The following GLRA3 variants were observed in gnomAD, a reference collection of about 807,000 sequenced individuals.
GLRA3 encodes glycine receptor alpha 3, also known as glycine receptor subunit alpha-3.
A neutral mutation model predicts 60.4 loss-of-function variants in GLRA3; 44 were observed. The ratio of observed to expected loss-of-function variants is 0.73; its 90% CI spans 0.57 to 0.94. The LOEUF (loss-of-function observed/expected upper bound fraction) is 0.94. Ranked by LOEUF, GLRA3 falls within the 40% of genes least tolerant of loss-of-function variation. GLRA3 has a pLI of 0.00. For missense variants in GLRA3, 508 were observed against 564.6 expected (o/e 0.90, Z 1.02); for synonymous variants, 223 against 192.9 (o/e 1.16, Z -1.29).
At chr4:174,689,529 T>C (rs1734699872) in intron 5 of GLRA3, among the ~76,000 whole-genome samples, 1 of 151,946 alleles carries the variant, frequency 6.6e-6, no homozygotes, top group South Asian at 2.1e-4. Flanking sequence ...ACCCAAATAA[T>C]GTACATTATA....
intron 3 of GLRA3, among the ~76,000 whole-genome samples, chr4:174,750,218 A>C (rs139548961): frequency 3.3e-5 from 5 of 152,160 alleles, no homozygotes; most frequent in Non-Finnish European, 7.4e-5. Context: ...ATGGATTATG[A>C]AACAAAATTT....
chr4:174,652,911 T>A (rs1056761105), intron 9 of GLRA3, among the ~76,000 whole-genome samples: 3 of 152,060 alleles, frequency 2.0e-5, no homozygotes, highest in African/African-American at 4.8e-5. Context: ...TGCTATTGAG[T>A]GTGAACAAAA....
chr4:174,811,323 G>A (rs1740265115), intron 1 of GLRA3, among the ~76,000 whole-genome samples: 1 of 151,720 alleles, frequency 6.6e-6, no homozygotes, highest in Non-Finnish European at 1.5e-5. Flanking sequence ...AAATTTTCTT[G>A]GAATAGCAGA....
At chr4:174,774,433 T>C (rs1738514591) in intron 2 of GLRA3, among the ~76,000 whole-genome samples, 1 of 149,872 alleles carries the variant, frequency 6.7e-6, no homozygotes, top group African/African-American at 2.5e-5. Flanking sequence ...TATGTGTGGG[T>C]ATATATAGAT....
At chr4:174,782,842 T>G (rs1306300198) in intron 2 of GLRA3, among the ~76,000 whole-genome samples, 2 of 151,996 alleles carry the variant, frequency 1.3e-5, no homozygotes, top group African/African-American at 4.8e-5. Flanking sequence ...TGGAAGAACA[T>G]TCCATGCTCA....
chr4:174,740,562 A>T (rs992244907), intron 3 of GLRA3, among the ~76,000 whole-genome samples: 2 of 152,232 alleles, frequency 1.3e-5, no homozygotes, highest in Non-Finnish European at 2.9e-5. Context: ...CCTGATCCAC[A>T]TACATGTGAG....
intron 4 of GLRA3, among the ~76,000 whole-genome samples, chr4:174,716,070 A>C (rs1735907558): frequency 6.6e-6 from 1 of 152,200 alleles, no homozygotes; most frequent in Admixed American, 6.5e-5. Flanking sequence ...CTAAACGTGG[A>C]AAAGCAGGGT....
At chr4:174,667,875 T>C (rs939585644) in intron 7 of GLRA3, among the ~76,000 whole-genome samples, 1 of 152,172 alleles carries the variant, frequency 6.6e-6, no homozygotes, top group African/African-American at 2.4e-5. Context: ...TTTGTGCTCT[T>C]TGATCCTGAT....
intron 2 of GLRA3, among the ~76,000 whole-genome samples, 153 bp from the exon 3 acceptor site, chr4:174,767,183 C>T (rs1738178567): frequency 6.6e-6 from 1 of 151,610 alleles, no homozygotes; most frequent in African/African-American, 2.4e-5. Context: ...GCAATAATTC[C>T]ACACAACAAT....
At chr4:174,778,118 C>G (rs1419281873) in intron 2 of GLRA3, among the ~76,000 whole-genome samples, 2 of 152,058 alleles carry the variant, frequency 1.3e-5, no homozygotes, top group Non-Finnish European at 1.5e-5. Context: ...ACCTGGCCCT[C>G]CAACTCTGTA....
intron 5 of GLRA3, among the ~76,000 whole-genome samples, chr4:174,694,325 C>T (rs1174103676): frequency 6.6e-6 from 1 of 152,068 alleles, no homozygotes; most frequent in Non-Finnish European, 1.5e-5. Context: ...TAAAATTGAC[C>T]ATGTAAGTGG....
At chr4:174,703,679 T>A (rs1476070829) in intron 5 of GLRA3, among the ~76,000 whole-genome samples, 2 of 152,192 alleles carry the variant, frequency 1.3e-5, no homozygotes, top group Non-Finnish European at 2.9e-5. Flanking sequence ...AATCCTAGAG[T>A]TGAGATGACT....
At chr4:174,699,944 G>T (rs539384979) in intron 5 of GLRA3, among the ~76,000 whole-genome samples, 28 of 151,676 alleles carry the variant, frequency 1.8e-4, no homozygotes, top group African/African-American at 6.3e-4. Context: ...TGATTCAATT[G>T]TGTTGTAATC....
At chr4:174,821,100 C>A (rs1740724730) in intron 1 of GLRA3, among the ~76,000 whole-genome samples, 1 of 151,980 alleles carries the variant, frequency 6.6e-6, no homozygotes, top group African/African-American at 2.4e-5. Context: ...GAGTCTAAAC[C>A]TAGTCAACAG....
intron 1 of GLRA3, among the ~76,000 whole-genome samples, chr4:174,824,536 A>G (rs2111406024): frequency 6.6e-6 from 1 of 152,324 alleles, no homozygotes; most frequent in African/African-American, 2.4e-5. Context: ...TTGTAGTTTT[A>G]TTAATGTAAC....
At chr4:174,790,781 C>A (rs1248158018) in intron 1 of GLRA3, among the ~76,000 whole-genome samples, 5 of 145,340 alleles carry the variant, frequency 3.4e-5, no homozygotes, top group Non-Finnish European at 7.5e-5. Flanking sequence ...GAGATCGAGA[C>A]CATTCTGGCT....
At chr4:174,778,031 T>A (rs1738677545) in intron 2 of GLRA3, among the ~76,000 whole-genome samples, 1 of 152,156 alleles carries the variant, frequency 6.6e-6, no homozygotes, top group African/African-American at 2.4e-5. Flanking sequence ...ATAATTTATA[T>A]GTGTGTGTAT....
At chr4:174,719,054 C>T (rs1736039775) in intron 4 of GLRA3, among the ~76,000 whole-genome samples, 1 of 151,386 alleles carries the variant, frequency 6.6e-6, no homozygotes, top group South Asian at 2.1e-4. Flanking sequence ...GCTCCGCCCC[C>T]TGGGGTTCAC....
chr4:174,773,989 T>C (rs1738495624), intron 2 of GLRA3, among the ~76,000 whole-genome samples: 1 of 152,090 alleles, frequency 6.6e-6, no homozygotes, highest in Non-Finnish European at 1.5e-5. Flanking sequence ...GGAAGCCTGT[T>C]GTTGGGTGTT....
Sources: gnomAD v4.1 joint callset for allele counts (sites outside exome capture counted in the v4.1 genomes callset) on GRCh38, gnomAD v4.1.1 for gene constraint, MANE v1.5 for transcripts, NCBI Gene and HGNC (gene_info 2026-07-23, HGNC 2026-07-21) for gene names.